GRIPAP1: variants seen among roughly 807,000 people sequenced by gnomAD.
GRIPAP1 encodes GRIP1-associated protein 1.
Under a neutral mutation model 84.1 loss-of-function variants are expected in GRIPAP1, and 14 were observed. The ratio of observed to expected loss-of-function variants is 0.17; its 90% CI spans 0.11 to 0.26. GRIPAP1 has a LOEUF of 0.26. Among genes scored for constraint, GRIPAP1 ranks in the 10% least tolerant of loss-of-function variants. GRIPAP1 has a pLI of 1.00. For missense variants in GRIPAP1, 518 were observed against 674.2 expected, an observed-to-expected ratio of 0.77 and a Z score of 2.57; for synonymous variants, 261 against 256.8, an observed-to-expected ratio of 1.02 and a Z score of -0.15.
intron 15 of GRIPAP1, 72 bp from the exon 16 acceptor site, chrX:48,983,512 G>T: frequency 1.1e-6 from 1 of 923,187 alleles, no homozygotes. Context: ...CTCTTCCCAT[G>T]CCCAAGGAAC....
Position 48,984,669 on chromosome X carries a change from C to T in GRIPAP1, c.1176+599G>A, listed in dbSNP as rs782159662. On this transcript the variant is annotated intron_variant, in intron 14 of 25. Transcript: ENST00000376423. ...GGCGGAGGTTGCAGTGAGCTGAGAT[C>T]GCGCTACTGCACTCCAGCCTGGGCA... is the stretch of plus-strand genomic sequence containing the variant. Among the ~76,000 whole-genome samples the T allele has an allele frequency of 1.6e-4, 15 of 93,922 alleles. 2 individuals carry two copies. The South Asian group carries it at 7.3e-3, about 46-fold the overall frequency. 81.6% of individuals were successfully genotyped at this position (93,922 alleles called of 115,157 possible).
rs2064530707 is a variant in GRIPAP1, at chrX:48,993,477, C to T, written c.408G>A (p.Glu136=). ...TGTTTTCAGCCTGTAGCCTCAGCAG[C>T]TCCCCATCCACGAGGGGCCCAGCTT... The part of the protein sequence containing the change: ...VAQAGPLVDG[E]LLRLQAENTA... Residue 136 remains glutamate (E), a synonymous_variant, in exon 6 of 26, where the codon GAG becomes GAA. Coordinates refer to ENST00000376423, the MANE Select transcript of GRIPAP1 (RefSeq NM_020137.5). The T allele has an allele frequency of 4.2e-6, 5 of 1,189,548 alleles. No individual in the cohort carries two copies. In the South Asian group the frequency reaches 9.3e-5, roughly 22 times the overall value.
Position 48,998,185 on chromosome X carries a change from A to G in GRIPAP1, c.172-5T>C. 3.4e-6 allele frequency: 4 copies of G among 1,185,322 alleles called. No individual in the cohort carries two copies. The highest frequency in any genetic ancestry group is 4.6e-6 in the Non-Finnish European group (4 of 873,352). ...TTTCTTGCTCTTGCTCAGTGCCTAAAGTGGGGGTGGGTGGGAAGAGAGCTA... is the reference window on the plus strand; with the variant it reads ...TTTCTTGCTCTTGCTCAGTGCCTAAGGTGGGGGTGGGTGGGAAGAGAGCTA... On this transcript the variant is annotated splice_region_variant and splice_polypyrimidine_tract_variant and intron_variant, in intron 3 of 25. Coordinates refer to ENST00000376423, the MANE Select transcript of GRIPAP1 (RefSeq NM_020137.5).
Position 48,997,586 on chromosome X carries a change from G to A in GRIPAP1, c.199-229C>T, listed in dbSNP as rs782742769. Among the ~76,000 whole-genome samples the A allele has an allele frequency of 2.5e-4, 27 of 108,970 alleles. No individual in the cohort carries two copies. In the Admixed American group the frequency reaches 2.5e-3, roughly 10 times the overall value. The allele number at this position is 108,970 out of a possible 115,157, so 94.6% of individuals were successfully genotyped here. A position where few individuals can be genotyped will look rare whatever the true frequency, so the allele number is the denominator to read the frequency against. Reference sequence around the variant, plus strand: ...AAGGGAATACAGGGAGGAAGAGAGCGGAGGAAAAGACAGGAAGATAATGAT... The same window carrying A: ...AAGGGAATACAGGGAGGAAGAGAGCAGAGGAAAAGACAGGAAGATAATGAT... On this transcript the variant is annotated intron_variant, in intron 4 of 25. Transcript: ENST00000376423.
At chrX:48,976,178 G>A in intron 23 of GRIPAP1, 63 bp downstream of exon 23, 1 of 1,189,850 alleles carries the variant, frequency 8.4e-7, no homozygotes, top group Non-Finnish European at 1.1e-6. Context: ...GCGGGCCCGG[G>A]CAGACCCCAC....
At chrX:48,985,057 G>C (rs943817947) in intron 14 of GRIPAP1, among the ~76,000 whole-genome samples, 1 of 111,406 alleles carries the variant, frequency 9.0e-6, no homozygotes, top group Non-Finnish European at 1.9e-5. Context: ...TTTAAAAAAT[G>C]AAAAAGAATT....
rs782004546 is a variant in GRIPAP1 at position 48,993,588 on chromosome X, G to A, written c.307-10C>T. 42 of 1,115,437 alleles carry A rather than the reference G, an allele frequency of 3.8e-5. No individual in the cohort carries two copies. Among genetic ancestry groups the A allele is most frequent in the Admixed American group, 1.2e-4 (4 of 32,413 alleles). 91.9% of individuals were successfully genotyped at this position (1,115,437 alleles called of 1,213,427 possible). A position where few individuals can be genotyped will look rare whatever the true frequency, so the allele number is the denominator to read the frequency against. On this transcript the variant is annotated splice_polypyrimidine_tract_variant and intron_variant, in intron 5 of 25. Transcript: ENST00000376423. ...CCATCTGGCTGCAGAGCTGAACAGAGGAAGAGAAGGGGCAGAGAAGCAGAG... is the reference window on the plus strand; with the variant it reads ...CCATCTGGCTGCAGAGCTGAACAGAAGAAGAGAAGGGGCAGAGAAGCAGAG...
At position 48,983,906 on chromosome X, in the gene GRIPAP1, G is replaced by A. The variant is rs782586340; in HGVS notation, c.1177-36C>T. 8.1e-6 allele frequency: 7 copies of A among 863,646 alleles called. No homozygotes were observed. The South Asian group carries it at 1.0e-4, about 12-fold the overall frequency. 71.2% of individuals were successfully genotyped at this position (863,646 alleles called of 1,213,427 possible). On this transcript the variant is annotated intron_variant, in intron 14 of 25. Transcript: ENST00000376423. ...CACCAAAGGGAAAGAGTTTGATAAA[G>A]AGCATCCAGTAGGTGCTAGTCACCC...
At chrX:48,990,509 A>T (rs2064514180) in intron 8 of GRIPAP1, among the ~76,000 whole-genome samples, 176 bp downstream of exon 8, 2 of 112,345 alleles carry the variant, frequency 1.8e-5, no homozygotes, top group South Asian at 7.3e-4. Flanking sequence ...GGACCACATT[A>T]ACTCATTCCA....
At chrX:48,987,945 G>A in intron 12 of GRIPAP1, 68 bp from the exon 13 acceptor site, 1 of 563,021 alleles carries the variant, frequency 1.8e-6, no homozygotes, top group South Asian at 2.6e-5. Context: ...CCACGACCAA[G>A]AAAGAAAGGA....
intron 21 of GRIPAP1, among the ~76,000 whole-genome samples, chrX:48,979,402 G>A (rs1219216109): frequency 2.1e-5 from 2 of 93,186 alleles, no homozygotes; most frequent in Admixed American, 1.2e-4. Flanking sequence ...GTGTGAACCC[G>A]GGAGGCGGAG....
intron 6 of GRIPAP1, among the ~76,000 whole-genome samples, chrX:48,991,975 C>T (rs2064523029): frequency 8.9e-6 from 1 of 111,876 alleles, no homozygotes; most frequent in Non-Finnish European, 1.9e-5. Context: ...AAGTGCACAC[C>T]ATGCCCAGTT....
chrX:48,975,088 G>A, intron 25 of GRIPAP1, 67 bp downstream of exon 25: 1 of 1,095,189 alleles, frequency 9.1e-7, no homozygotes, highest in Non-Finnish European at 1.2e-6. Context: ...AGATGACCCA[G>A]GGGCTATGTG....
At position 48,983,025 on chromosome X, in the gene GRIPAP1, A is replaced by G; in HGVS notation, c.1553T>C (p.Met518Thr). The G allele has an allele frequency of 8.3e-7, 1 of 1,208,835 alleles. No homozygotes were observed. Among genetic ancestry groups the G allele is most frequent in the Non-Finnish European group, 1.1e-6 (1 of 892,666 alleles). Residue 518 changes from methionine (M) to threonine (T), a missense_variant, in exon 17 of 26, where the codon ATG (methionine) becomes ACG (threonine). Around this residue, in one of 5 missense-constraint regions of GRIPAP1, gnomAD observed 372 missense variants for 458.1 expected, o/e 0.81. Coordinates refer to ENST00000376423, the MANE Select transcript of GRIPAP1 (RefSeq NM_020137.5). Reference sequence around the variant, plus strand: ...TTCAAACCAGCCCTTGGCTCCATCCATGGAATGTACCTGAGCTTGAAGTTC... The same window carrying G: ...TTCAAACCAGCCCTTGGCTCCATCCGTGGAATGTACCTGAGCTTGAAGTTC... ...VEELQAQVHS[M>T]DGAKGWFERR...
At position 48,983,857 on chromosome X, in the gene GRIPAP1, G is replaced by A; in HGVS notation, c.1190C>T (p.Ala397Val). ...LNSQLQESLR[A>V]NSRLLEQLQE... ...AAGTTGTTCCAGCAGTCGACTATTGGCCCGTAATGACTCCTAATGCAGACA... is the reference window on the plus strand; with the variant it reads ...AAGTTGTTCCAGCAGTCGACTATTGACCCGTAATGACTCCTAATGCAGACA... The change falls in exon 15 of 26, where the codon GCC (alanine) becomes GTC (valine). Residue 397 changes from alanine to valine, a missense_variant. Coordinates refer to ENST00000376423, the MANE Select transcript of GRIPAP1 (RefSeq NM_020137.5). 1 of 1,162,753 alleles carries A rather than the reference G, an allele frequency of 8.6e-7. No individual in the cohort carries two copies. Among genetic ancestry groups the A allele is most frequent in the African/African-American group, 1.8e-5 (1 of 56,748 alleles).
intron 12 of GRIPAP1, 77 bp from the exon 13 acceptor site, chrX:48,987,954 G>GAAACACAC: frequency 2.7e-6 from 1 of 365,021 alleles, no homozygotes; most frequent in Non-Finnish European, 4.6e-6. Context: ...AGAAAGAAAG[G>GAAACACAC]ACACACACAC....
chrX:48,991,333 G>T, intron 6 of GRIPAP1: 1 of 391,829 alleles, frequency 2.6e-6, no homozygotes, highest in Non-Finnish European at 4.4e-6. Flanking sequence ...AGGCTGGAGT[G>T]CACTGGAATG....
At chrX:48,983,180 G>T (rs1402645511) in intron 16 of GRIPAP1, 48 bp downstream of exon 16, 1 of 1,156,691 alleles carries the variant, frequency 8.6e-7, no homozygotes, top group Non-Finnish European at 1.2e-6. Flanking sequence ...GCAACGCTGT[G>T]GTTCCCAGGT....
rs1557064352 is a variant in GRIPAP1, at chrX:48,987,867, T to C, written c.959A>G (p.Gln320Arg). ...CACTTGTTCCTGTGCATCTGCACTC[T>C]GGATGGATACCTGGCCCCACGTCCA... Reference protein sequence around the residue: ...LRALQDQVSIQSADAQEQVEG... With the variant: ...LRALQDQVSIRSADAQEQVEG... The change falls in exon 13 of 26, where the codon CAG (glutamine) becomes CGG (arginine). Residue 320 changes from glutamine to arginine, a missense_variant. Transcript: ENST00000376423. 2 of 1,197,551 alleles carry C rather than the reference T, an allele frequency of 1.7e-6. No individual in the cohort carries two copies. Among genetic ancestry groups the C allele is most frequent in the Admixed American group, 4.4e-5 (2 of 45,494 alleles).
Sources: allele counts gnomAD v4.1 joint callset (sites outside exome capture counted in the v4.1 genomes callset), GRCh38; gene constraint gnomAD v4.1.1; regional missense constraint gnomAD v4.1.1; transcripts MANE v1.5; gene names NCBI Gene and HGNC (gene_info 2026-07-23, HGNC 2026-07-21).